The following CRADD variants were observed in gnomAD, a reference collection of about 807,000 sequenced individuals.
CRADD encodes the protein CARD and death domain containing adaptor protein, also known as death domain-containing protein CRADD.
In CRADD, 9 loss-of-function variants were observed where a neutral mutation model predicts 15.5. The observed-to-expected ratio is 0.58, with a 90% CI of 0.35 to 1.01. The LOEUF (loss-of-function observed/expected upper bound fraction) is 1.01. Among genes scored for constraint, CRADD ranks in the 50% least tolerant of loss-of-function variants. CRADD has a pLI of 0.02. For synonymous variants in CRADD, 118 were observed against 107.6 expected, an observed-to-expected ratio of 1.10 and a Z score of -0.60; for missense variants, 227 against 250.3, an observed-to-expected ratio of 0.91 and a Z score of 0.63.
At chr12:93,758,885 T>G (rs1956919693) in intron 2 of CRADD, among the ~76,000 whole-genome samples, 1 of 152,196 alleles carries the variant, frequency 6.6e-6, no homozygotes, top group Non-Finnish European at 1.5e-5. Flanking sequence ...AACTTGAGGC[T>G]GGGACTGTTC....
chr12:93,847,428 G>A (rs1381415968), intron 2 of CRADD, among the ~76,000 whole-genome samples: 4 of 141,914 alleles, frequency 2.8e-5, no homozygotes, highest in Non-Finnish European at 6.1e-5. Context: ...TATTATTCCA[G>A]TGAAGGCAAT....
intron 2 of CRADD, among the ~76,000 whole-genome samples, chr12:93,891,083 C>G (rs1201139461): frequency 6.6e-6 from 1 of 152,068 alleles, no homozygotes; most frequent in Non-Finnish European, 1.5e-5. Context: ...ATTGAAGTCT[C>G]ATGTCTCTGT....
At chr12:93,747,816 C>T (rs550005723) in intron 2 of CRADD, among the ~76,000 whole-genome samples, 1 of 152,214 alleles carries the variant, frequency 6.6e-6, no homozygotes, top group Admixed American at 6.5e-5. Context: ...GCAGTGGTGT[C>T]AGGTGGCCTT....
chr12:93,859,281 T>C, intron 2 of CRADD: 1 of 454,210 alleles, frequency 2.2e-6, no homozygotes, highest in Non-Finnish European at 4.4e-6. Context: ...CAAATACATT[T>C]GTTACTTTTT....
At chr12:93,821,557 G>A (rs538489448) in intron 2 of CRADD, among the ~76,000 whole-genome samples, 9 of 152,184 alleles carry the variant, frequency 5.9e-5, no homozygotes, top group Non-Finnish European at 1.2e-4. Context: ...GCTAGCCAAC[G>A]TGCCTTTTAG....
chr12:93,806,353 GA>G (rs372729362), intron 2 of CRADD, among the ~76,000 whole-genome samples: 104 of 150,942 alleles, frequency 6.9e-4, no homozygotes, highest in Non-Finnish European at 1.2e-3. Context: ...TCAGGAGGCT[GA>G]GGCAGGAGAA....
chr12:93,807,981 C>CA (rs368104878), intron 2 of CRADD, among the ~76,000 whole-genome samples: 1,416 of 67,668 alleles, frequency 0.021, 98 homozygotes, highest in African/African-American at 0.074. Context: ...AAGTGTTATG[C>CA]AAAAAAAAAA....
chr12:93,686,394 A>T (rs1955443701), intron 2 of CRADD, among the ~76,000 whole-genome samples: 1 of 151,696 alleles, frequency 6.6e-6, no homozygotes. Flanking sequence ...TTTTTAATTT[A>T]AAAAGAAAGA....
At chr12:93,748,835 G>A (rs748695410) in intron 2 of CRADD, among the ~76,000 whole-genome samples, 1 of 152,174 alleles carries the variant, frequency 6.6e-6, no homozygotes, top group Non-Finnish European at 1.5e-5. Flanking sequence ...TATCTTTGGG[G>A]CTTACCCAGA....
chr12:93,794,103 G>A (rs1957383878), intron 2 of CRADD, among the ~76,000 whole-genome samples: 2 of 152,142 alleles, frequency 1.3e-5, no homozygotes, highest in African/African-American at 2.4e-5. Flanking sequence ...TTGTTTCTTG[G>A]AGCATTTTCT....
Position 93,684,087 on chromosome 12 carries a change from G to A in CRADD, c.298+5015G>A, listed in dbSNP as rs75703769. Among the ~76,000 whole-genome samples the A allele has an allele frequency of 8.3e-3, 1,257 of 152,236 alleles. 25 individuals are homozygous for A. Among genetic ancestry groups the A allele is most frequent in the African/African-American group, 0.029 (1,194 of 41,544 alleles). On this transcript the variant is annotated intron_variant, in intron 2 of 2. Transcript: ENST00000332896. ...AGCCCGATTTTCATATACTTCCTAA[G>A]GACCTACTGAATGCCAGGTACTGGG...
In CRADD at chr12:93,892,113, C is replaced by A. The variant is rs553225981; in HGVS notation, c.299-1937C>A. Among the ~76,000 whole-genome samples the A allele has an allele frequency of 2.4e-4, 37 of 152,196 alleles. No individual in the cohort carries two copies. In the South Asian group the frequency reaches 2.7e-3, roughly 11 times the overall value. On this transcript the variant is annotated intron_variant, in intron 2 of 2. Coordinates refer to the CRADD transcript ENST00000548483. The stretch of plus-strand genomic sequence containing the variant: ...GGAGATATACGTTGTGCACAAAGAC[C>A]CCTGCTCTTCTGTCTCCAAATCCAG...
chr12:93,733,560 GGTGCCCAGT>G (rs1762154360), intron 2 of CRADD: 1 of 152,364 alleles, frequency 6.6e-6, no homozygotes, highest in African/African-American at 2.4e-5. Flanking sequence ...AGCTGCTGGA[GGTGCCCAGT>G]GTGCCAGCAC....
intron 2 of CRADD, among the ~76,000 whole-genome samples, chr12:93,747,720 C>A (rs187742951): frequency 6.6e-6 from 1 of 152,130 alleles, no homozygotes; most frequent in African/African-American, 2.4e-5. Flanking sequence ...CCTGCCTTGG[C>A]CTTCCAAGGT....
chr12:93,739,454 G>A (rs1274329182), intron 2 of CRADD, among the ~76,000 whole-genome samples: 1 of 151,348 alleles, frequency 6.6e-6, no homozygotes, highest in African/African-American at 2.4e-5. Flanking sequence ...CTAAACTCCT[G>A]AGATTTAGAT....
At chr12:93,886,136 G>A (rs1466970551) in intron 2 of CRADD, among the ~76,000 whole-genome samples, 2 of 147,922 alleles carry the variant, frequency 1.4e-5, no homozygotes, top group African/African-American at 5.0e-5. Flanking sequence ...GCCAAGCTAA[G>A]ATGGACATGC....
intron 2 of CRADD, among the ~76,000 whole-genome samples, chr12:93,721,177 A>C (rs1053299062): frequency 6.6e-6 from 1 of 152,136 alleles, no homozygotes; most frequent in African/African-American, 2.4e-5. Context: ...CAGTCTTCCC[A>C]TCTTGGCCTC....
At chr12:93,838,118 A>G (rs1957995801) in intron 2 of CRADD, 1 of 151,856 alleles carries the variant, frequency 6.6e-6, no homozygotes, top group African/African-American at 2.4e-5. Flanking sequence ...AAGACTAAAC[A>G]TGATTTCTCC....
intron 2 of CRADD, among the ~76,000 whole-genome samples, chr12:93,711,055 CTTTTT>C (rs397850463): frequency 2.3e-5 from 1 of 43,508 alleles, no homozygotes; most frequent in Non-Finnish European, 4.4e-5. Flanking sequence ...CCACCCCCGC[CTTTTT>C]TTTTTTTTTT....
Sources: allele counts gnomAD v4.1 joint callset (sites outside exome capture counted in the v4.1 genomes callset), GRCh38; gene constraint gnomAD v4.1.1; transcripts MANE v1.5; gene names NCBI Gene and HGNC (gene_info 2026-07-23, HGNC 2026-07-21).